CDADC1: variants seen among roughly 807,000 people sequenced by gnomAD.
CDADC1 encodes cytidine and dCMP deaminase domain containing 1, also known as dCTP deaminase.
CDADC1 carries 39 observed loss-of-function variants against 54.9 expected under a neutral mutation model. The ratio of observed to expected loss-of-function variants is 0.71; its 90% CI spans 0.55 to 0.93. The LOEUF (loss-of-function observed/expected upper bound fraction) is 0.93, where lower values mean the gene tolerates loss of function less well. Among genes scored for constraint, CDADC1 ranks in the 40% least tolerant of loss-of-function variants. The pLI, the probability that CDADC1 is intolerant of heterozygous loss-of-function variation, is 0.00. For missense variants in CDADC1, 518 were observed against 618.8 expected (o/e 0.84, Z 1.73); for synonymous variants, 186 against 204.0 (o/e 0.91, Z 0.75).
rs559370170 is a variant in CDADC1 at position 49,249,937 on chromosome 13, A to G, written c.177+972A>G. Among the ~76,000 whole-genome samples the G allele has an allele frequency of 2.0e-5, 3 of 152,244 alleles. No individual in the cohort carries two copies. In the East Asian group the frequency reaches 5.8e-4, roughly 29 times the overall value. On this transcript the variant is annotated intron_variant, in intron 2 of 9. Transcript: ENST00000251108. ...AATTTTGGAAGCTTAGGGTGTTGGC[A>G]TTAATTTTTATAGGGGGCCACGGCC...
chr13:49,290,218 G>A (rs1053638081), intron 9 of CDADC1, among the ~76,000 whole-genome samples: 4 of 151,846 alleles, frequency 2.6e-5, no homozygotes, highest in Admixed American at 2.6e-4. Context: ...AATTGATAAT[G>A]TTCTAGTTGT....
intron 9 of CDADC1, among the ~76,000 whole-genome samples, chr13:49,290,383 T>TA (rs1953669186): frequency 6.6e-6 from 1 of 151,912 alleles, no homozygotes; most frequent in Non-Finnish European, 1.5e-5. Flanking sequence ...CTGTATTATG[T>TA]ATGTATTATT....
chr13:49,259,620 G>T (rs1488619863), intron 4 of CDADC1, 97 bp downstream of exon 4: 2 of 1,205,306 alleles, frequency 1.7e-6, no homozygotes, highest in Non-Finnish European at 2.4e-6. Context: ...GGAGGACAAG[G>T]CAGGAGGATC....
intron 2 of CDADC1, among the ~76,000 whole-genome samples, chr13:49,253,425 A>G (rs1952478145): frequency 6.6e-6 from 1 of 152,182 alleles, no homozygotes; most frequent in Admixed American, 6.5e-5. Flanking sequence ...TAGTATAAAC[A>G]TTGGAGCAGC....
At chr13:49,264,720 T>TAA (rs34176559) in intron 4 of CDADC1, among the ~76,000 whole-genome samples, 6 of 142,190 alleles carry the variant, frequency 4.2e-5, no homozygotes, top group South Asian at 2.2e-4. Flanking sequence ...GGTCTCTATT[T>TAA]AAAAAAAAAA....
chr13:49,283,958 G>C (rs1953429458), intron 8 of CDADC1, among the ~76,000 whole-genome samples: 1 of 152,196 alleles, frequency 6.6e-6, no homozygotes, highest in South Asian at 2.1e-4. Flanking sequence ...TCAGTACCAA[G>C]ATTATCAAAA....
rs1593866715 is a variant in CDADC1 at position 49,291,863 on chromosome 13, A to G, written c.*106A>G. On this transcript the variant is annotated 3_prime_UTR_variant, in exon 10 of 10. Transcript: ENST00000251108. Reference sequence around the variant, plus strand: ...AAGGATGGATTTTGTGAATAATTGAAAAGATTTTTTAAGGAAGCTAATTTA... The same window carrying G: ...AAGGATGGATTTTGTGAATAATTGAGAAGATTTTTTAAGGAAGCTAATTTA... The G allele has an allele frequency of 2.7e-6, 4 of 1,473,768 alleles. No homozygotes were observed. The highest frequency in any genetic ancestry group is 3.6e-6 in the Non-Finnish European group (4 of 1,111,416). 91.3% of individuals were successfully genotyped at this position (1,473,768 alleles called of 1,614,324 possible). A position where few individuals can be genotyped will look rare whatever the true frequency, so the allele number is the denominator to read the frequency against.
chr13:49,288,422 T>C (rs1953588875), intron 9 of CDADC1, among the ~76,000 whole-genome samples: 1 of 152,208 alleles, frequency 6.6e-6, no homozygotes, highest in South Asian at 2.1e-4. Context: ...ACATTTTCAT[T>C]ATCTGAGAAA....
At chr13:49,281,588 G>A (rs1051365554) in intron 8 of CDADC1, among the ~76,000 whole-genome samples, 8 of 152,082 alleles carry the variant, frequency 5.3e-5, no homozygotes, top group African/African-American at 1.9e-4. Context: ...GAGCTCAGGC[G>A]GTAATGCTCG....
At chr13:49,250,702 TTATCAA>T (rs1260147111) in intron 2 of CDADC1, among the ~76,000 whole-genome samples, 8 of 152,202 alleles carry the variant, frequency 5.3e-5, no homozygotes, top group Non-Finnish European at 1.0e-4. Context: ...AGATTTTATC[TTATCAA>T]TATAGGAATT....
intron 8 of CDADC1, among the ~76,000 whole-genome samples, chr13:49,283,346 G>C (rs1953406614): frequency 6.6e-6 from 1 of 152,080 alleles, no homozygotes; most frequent in Non-Finnish European, 1.5e-5. Context: ...AGGGGGTGTT[G>C]ACATGGCACT....
In CDADC1 at chr13:49,291,916, G is replaced by T. The variant is rs1953718462; in HGVS notation, c.*159G>T. On this transcript the variant is annotated 3_prime_UTR_variant, in exon 10 of 10. Coordinates refer to ENST00000251108, the MANE Select transcript of CDADC1 (RefSeq NM_030911.4). ...TCTAGGATACAAATGGTGTTAATAA[G>T]AATATTTGTCTTTTAGATTTATGTG... is the stretch of plus-strand genomic sequence containing the variant. The T allele has an allele frequency of 7.2e-7, 1 of 1,393,340 alleles. No homozygotes were observed. The highest frequency in any genetic ancestry group is 3.2e-5 in the Admixed American group (1 of 31,092). 86.3% of individuals were successfully genotyped at this position (1,393,340 alleles called of 1,614,324 possible). A position where few individuals can be genotyped will look rare whatever the true frequency, so the allele number is the denominator to read the frequency against.
intron 6 of CDADC1, among the ~76,000 whole-genome samples, 172 bp from the exon 7 acceptor site, chr13:49,278,178 A>G (rs569250793): frequency 1.3e-5 from 2 of 152,366 alleles, no homozygotes; most frequent in East Asian, 3.9e-4. Flanking sequence ...TAGCTTTGAC[A>G]AGATCACACT....
At chr13:49,275,722 TATATAGAGAGAGAGAGAGAGAGAGAG>T (rs1953105456) in intron 6 of CDADC1, among the ~76,000 whole-genome samples, 50 of 19,210 alleles carry the variant, frequency 2.6e-3, no homozygotes, top group African/African-American at 3.6e-3. Flanking sequence ...TATATATATA[TATATAGAGAGAGAGAGAGAGAGAGAG>T]AGAGAGAGAG....
chr13:49,283,577 A>G (rs548543294), intron 8 of CDADC1, among the ~76,000 whole-genome samples: 1 of 152,328 alleles, frequency 6.6e-6, no homozygotes, highest in South Asian at 2.1e-4. Flanking sequence ...GAGAATTCTG[A>G]AATATCTTGC....
At chr13:49,265,981 C>T (rs1015702910) in intron 4 of CDADC1, 8 of 1,296,554 alleles carry the variant, frequency 6.2e-6, no homozygotes, top group South Asian at 5.0e-5. Flanking sequence ...GAAATGCAAC[C>T]GGAGGAAACA....
rs983318569 is a variant in CDADC1, at chr13:49,249,083, T to C, written c.177+118T>C. Reference sequence around the variant, plus strand: ...TTAACAAGGCTTAAGATTTAAAAAATATCTTTATTGATTAACATGACACTT... The same window carrying C: ...TTAACAAGGCTTAAGATTTAAAAAACATCTTTATTGATTAACATGACACTT... On this transcript the variant is annotated intron_variant, in intron 2 of 9. Transcript: ENST00000251108. The C allele has an allele frequency of 1.1e-5, 7 of 658,204 alleles. No individual in the cohort carries two copies. In the Admixed American group the frequency reaches 1.5e-4, roughly 14 times the overall value. The allele number at this position is 658,204 out of a possible 1,614,324, so 40.8% of individuals were successfully genotyped here.
At position 49,292,721 on chromosome 13, in the gene CDADC1, G is replaced by A; in HGVS notation, c.*964G>A. ...GTGATTTCTCACATTTTTATTTGCT[G>A]AGAAACATTCAGAAAATTATTCCAA... On this transcript the variant is annotated 3_prime_UTR_variant, in exon 10 of 10. Coordinates refer to ENST00000251108, the MANE Select transcript of CDADC1 (RefSeq NM_030911.4). The A allele has an allele frequency of 7.9e-7, 1 of 1,268,084 alleles. No individual in the cohort carries two copies. Among genetic ancestry groups the A allele is most frequent in the Admixed American group, 2.5e-5 (1 of 39,312 alleles). The allele number at this position is 1,268,084 out of a possible 1,614,324, so 78.6% of individuals were successfully genotyped here.
At chr13:49,257,347 CTGTT>C (rs1418321265) in intron 3 of CDADC1, among the ~76,000 whole-genome samples, 3 of 151,920 alleles carry the variant, frequency 2.0e-5, no homozygotes, top group Non-Finnish European at 2.9e-5. Context: ...TTATTTCTGT[CTGTT>C]TAACTAGGAA....
Sources: gnomAD v4.1 joint callset for allele counts (sites outside exome capture counted in the v4.1 genomes callset) on GRCh38, gnomAD v4.1.1 for gene constraint, MANE v1.5 for transcripts, NCBI Gene and HGNC (gene_info 2026-07-23, HGNC 2026-07-21) for gene names.